Variants in ERP44 observed in about 807,000 individuals in gnomAD.
ERP44 encodes endoplasmic reticulum protein 44, also known as endoplasmic reticulum resident protein 44.
Under a neutral mutation model 53.4 loss-of-function variants are expected in ERP44, and 25 were observed. The observed-to-expected ratio is 0.47, with a 90% CI of 0.34 to 0.65. The LOEUF (loss-of-function observed/expected upper bound fraction) is 0.65. Ranked by LOEUF, ERP44 falls within the 30% of genes least tolerant of loss-of-function variation. The probability of loss-of-function intolerance (pLI) is 0.01; values close to 1 mark genes in which losing one functional copy is unlikely to be tolerated. For synonymous variants in ERP44, 145 were observed against 161.2 expected (o/e 0.90, Z 0.76); for missense variants, 338 against 493.2 (o/e 0.69, Z 2.98).
intron 1 of ERP44, among the ~76,000 whole-genome samples, chr9:100,070,767 A>G (rs918470843): frequency 3.9e-5 from 6 of 152,238 alleles, no homozygotes; most frequent in Admixed American, 3.9e-4. Context: ...CATCTTGTAA[A>G]ATGACACCAT....
At position 100,016,393 on chromosome 9, in the gene ERP44, CA is replaced by C. The variant is rs778259055; in HGVS notation, c.690del (p.Phe230LeufsTer3). ...TCTTGAATCCAATTGTAAGTCACAT[CA>C]AAATTTGTCATAGCTCCCAAGTACA... Reference protein sequence around the residue: ...DMVYLGAMTNFDVTYNWIQDK... With the variant: ...DMVYLGAMTNXDVTYNWIQDK... On this transcript the variant is annotated frameshift_variant, in exon 8 of 12. Transcript: ENST00000262455. LOFTEE classifies it high-confidence loss of function. 6.2e-7 allele frequency: 1 copy of C among 1,611,974 alleles called. No homozygotes were observed. The highest frequency in any genetic ancestry group is 1.1e-5 in the South Asian group (1 of 90,608).
chr9:100,034,024 G>A (rs1825824968), intron 4 of ERP44, among the ~76,000 whole-genome samples: 2 of 152,160 alleles, frequency 1.3e-5, no homozygotes, highest in South Asian at 4.1e-4. Flanking sequence ...GGTCAACTCT[G>A]TCAGAGGCGT....
chr9:100,094,305 G>T (rs1276600915), intron 1 of ERP44, among the ~76,000 whole-genome samples: 1 of 151,026 alleles, frequency 6.6e-6, no homozygotes, highest in African/African-American at 2.4e-5. Flanking sequence ...AATACAAATA[G>T]CTTGTACCTT....
At chr9:100,024,803 C>G (rs1483664556) in intron 4 of ERP44, among the ~76,000 whole-genome samples, 1 of 152,116 alleles carries the variant, frequency 6.6e-6, no homozygotes, top group Non-Finnish European at 1.5e-5. Context: ...ATTGGAAGTA[C>G]TGGTATGACC....
At chr9:100,015,305 C>CT (rs1830516269) in intron 8 of ERP44, among the ~76,000 whole-genome samples, 1 of 152,064 alleles carries the variant, frequency 6.6e-6, no homozygotes, top group Admixed American at 6.5e-5. Flanking sequence ...AAAACTGTAC[C>CT]TAATACAAAG....
At chr9:100,089,035 T>C (rs1826519008) in intron 1 of ERP44, among the ~76,000 whole-genome samples, 2 of 152,146 alleles carry the variant, frequency 1.3e-5, no homozygotes, top group Non-Finnish European at 2.9e-5. Flanking sequence ...AAATGGAAAA[T>C]TCCAGAAATA....
chr9:100,047,337 A>C (rs1339255810), intron 4 of ERP44, among the ~76,000 whole-genome samples: 1 of 152,240 alleles, frequency 6.6e-6, no homozygotes, highest in South Asian at 2.1e-4. Context: ...GCAAGACTAC[A>C]GTAATCAAAA....
intron 1 of ERP44, among the ~76,000 whole-genome samples, chr9:100,072,221 G>A (rs948175051): frequency 6.6e-6 from 1 of 152,142 alleles, no homozygotes; most frequent in African/African-American, 2.4e-5. Flanking sequence ...CTACCACATA[G>A]TAGTTCAGCT....
At chr9:99,991,353 T>A (rs1830252562) in intron 10 of ERP44, among the ~76,000 whole-genome samples, 1 of 152,190 alleles carries the variant, frequency 6.6e-6, no homozygotes, top group Non-Finnish European at 1.5e-5. Context: ...GAACTCAGGA[T>A]TAAGAAATTC....
chr9:99,987,695 A>G (rs765196135), intron 10 of ERP44, among the ~76,000 whole-genome samples: 2 of 152,208 alleles, frequency 1.3e-5, no homozygotes, highest in Non-Finnish European at 2.9e-5. Flanking sequence ...TCCATTTCCC[A>G]TAACCCCTGG....
chr9:100,067,536 C>T (rs1447251719), intron 1 of ERP44, among the ~76,000 whole-genome samples: 1 of 152,130 alleles, frequency 6.6e-6, no homozygotes, highest in Admixed American at 6.5e-5. Context: ...GATCTCGGCT[C>T]GCCACAACCT....
chr9:100,062,084 G>A lies in ERP44; in HGVS notation c.58-1912C>T, dbSNP rs188312205. Among the ~76,000 whole-genome samples, 26 of 152,016 alleles carry A rather than the reference G, an allele frequency of 1.7e-4. 1 individual carries two copies. The highest frequency in any genetic ancestry group is 1.7e-3 in the South Asian group (8 of 4,814). ...AGAAAAGGAATATCCCAATCTCTGC[G>A]GACACAGAGATACCAAGAAGAATCT... On this transcript the variant is annotated intron_variant, in intron 1 of 11. Transcript: ENST00000262455.
chr9:100,060,089 G>C lies in ERP44; in HGVS notation c.130+11C>G. ...AGAAAGAGTACACTTTAAAAATATT[G>C]AGGTACTTACTTAAAATTTCATCTA... is the stretch of plus-strand genomic sequence containing the variant. On this transcript the variant is annotated intron_variant, in intron 2 of 11. Transcript: ENST00000262455. 7.0e-7 allele frequency: 1 copy of C among 1,436,380 alleles called. No homozygotes were observed. The highest frequency in any genetic ancestry group is 9.2e-7 in the Non-Finnish European group (1 of 1,091,620). The allele number at this position is 1,436,380 out of a possible 1,614,324, so 89.0% of individuals were successfully genotyped here.
intron 3 of ERP44, among the ~76,000 whole-genome samples, chr9:100,052,909 C>A (rs1287079706): frequency 6.6e-6 from 1 of 152,070 alleles, no homozygotes; most frequent in Non-Finnish European, 1.5e-5. Flanking sequence ...TTAGCTTTCT[C>A]TATTTTATTT....
Position 99,985,054 on chromosome 9 carries a change from G to A in ERP44, c.1032C>T (p.Leu344=). Residue 344 remains leucine (L), a synonymous_variant, in exon 11 of 12, where the codon CTC becomes CTT. Transcript: ENST00000262455. The stretch of plus-strand genomic sequence containing the variant: ...AATGTAAGTCAAATACGAATTGCTT[G>A]AGTTTTCCAGGAATTCTAAAACCAG... ...DFKDVLIPGK[L]KQFVFDLHSG... is the part of the protein sequence containing the mutation. 6.2e-7 allele frequency: 1 copy of A among 1,610,342 alleles called. No individual in the cohort carries two copies. The highest frequency in any genetic ancestry group is 8.5e-7 in the Non-Finnish European group (1 of 1,176,754).
At chr9:100,041,800 G>A (rs1825906757) in intron 4 of ERP44, among the ~76,000 whole-genome samples, 1 of 152,124 alleles carries the variant, frequency 6.6e-6, no homozygotes, top group African/African-American at 2.4e-5. Flanking sequence ...AACACACACT[G>A]GGGAAAGGAC....
chr9:100,014,441 C>T (rs1458967636), intron 8 of ERP44, among the ~76,000 whole-genome samples: 4 of 152,034 alleles, frequency 2.6e-5, no homozygotes, highest in African/African-American at 4.8e-5. Flanking sequence ...CCTGCCACCA[C>T]GCCTGGCTAA....
At chr9:99,984,348 T>C (rs1205422788) in intron 11 of ERP44, among the ~76,000 whole-genome samples, 1 of 152,048 alleles carries the variant, frequency 6.6e-6, no homozygotes, top group Non-Finnish European at 1.5e-5. Context: ...GGCTGTTTAG[T>C]ACAGTAGGAA....
intron 4 of ERP44, among the ~76,000 whole-genome samples, chr9:100,040,024 A>G (rs1825885569): frequency 6.6e-6 from 1 of 152,134 alleles, no homozygotes; most frequent in Non-Finnish European, 1.5e-5. Flanking sequence ...CGAAGCCATA[A>G]TAAGAAAGCT....
Sources: allele counts gnomAD v4.1 joint callset (sites outside exome capture counted in the v4.1 genomes callset), GRCh38; gene constraint gnomAD v4.1.1; transcripts MANE v1.5; gene names NCBI Gene and HGNC (gene_info 2026-07-23, HGNC 2026-07-21).